Variants in LRP12 observed in about 807,000 individuals in gnomAD.
LRP12 encodes the protein low-density lipoprotein receptor-related protein 12.
Under a neutral mutation model 66.0 loss-of-function variants are expected in LRP12, and 14 were observed. That is an observed-to-expected ratio of 0.21 (90% CI 0.14 to 0.33). LRP12 has a LOEUF of 0.33. LRP12 is among the 10% of genes least tolerant of loss of function. LRP12 has a pLI of 1.00. For synonymous variants in LRP12, 357 were observed against 359.1 expected, an observed-to-expected ratio of 0.99 and a Z score of 0.07; for missense variants, 889 against 1,053.4, an observed-to-expected ratio of 0.84 and a Z score of 2.16.
chr8:104,507,036 C>T (rs1021188990), intron 3 of LRP12: 1 of 151,910 alleles, frequency 6.6e-6, no homozygotes, highest in Non-Finnish European at 1.5e-5. Context: ...TTTCTTTTGA[C>T]TTGTTTACAT....
chr8:104,542,786 T>C (rs1414245094), intron 1 of LRP12, among the ~76,000 whole-genome samples: 1 of 152,068 alleles, frequency 6.6e-6, no homozygotes, highest in Non-Finnish European at 1.5e-5. Flanking sequence ...GAAAAGAACA[T>C]GTCATTAAGA....
intron 1 of LRP12, chr8:104,566,210 C>A: frequency 1.5e-6 from 1 of 667,942 alleles, no homozygotes; most frequent in Non-Finnish European, 2.3e-6. Context: ...GAAAATGCAG[C>A]ACATAGAAAG....
intron 1 of LRP12, among the ~76,000 whole-genome samples, chr8:104,560,115 A>C (rs191048156): frequency 6.6e-6 from 1 of 151,992 alleles, no homozygotes; most frequent in East Asian, 1.9e-4. Flanking sequence ...CAAAATATTT[A>C]TGGGTCTCAT....
intron 1 of LRP12, among the ~76,000 whole-genome samples, chr8:104,541,767 C>T (rs1811481585): frequency 6.6e-6 from 1 of 152,124 alleles, no homozygotes; most frequent in Non-Finnish European, 1.5e-5. Context: ...AATATGTGGT[C>T]TTTTGTGTCT....
In LRP12 at chr8:104,565,729, T is replaced by C. The variant is rs376200877; in HGVS notation, c.79+23090A>G. Among the ~76,000 whole-genome samples, 23 of 151,056 alleles carry C rather than the reference T, an allele frequency of 1.5e-4. No homozygotes were observed. In the South Asian group the frequency reaches 1.7e-3, roughly 11 times the overall value. ...CAAAAAAATTAGCCAGGTGTGGTGG[T>C]GGGCGCCTGTAGTCCCAGCTACTCG... On this transcript the variant is annotated intron_variant, in intron 1 of 6. Coordinates refer to ENST00000276654, the MANE Select transcript of LRP12 (RefSeq NM_013437.5).
intron 1 of LRP12, among the ~76,000 whole-genome samples, chr8:104,548,656 T>TCTTATATAATTAAATTA (rs1811677659): frequency 7.5e-6 from 1 of 132,826 alleles, no homozygotes. Flanking sequence ...ATTATATAAT[T>TCTTATATAATTAAATTA]ATTATATAAT....
At chr8:104,575,317 G>C (rs1170211796) in intron 1 of LRP12, among the ~76,000 whole-genome samples, 1 of 152,218 alleles carries the variant, frequency 6.6e-6, no homozygotes, top group East Asian at 1.9e-4. Context: ...CTGACCAGCT[G>C]CATTGCCTCC....
intron 1 of LRP12, among the ~76,000 whole-genome samples, chr8:104,569,272 A>C (rs1812045492): frequency 6.6e-6 from 1 of 152,196 alleles, no homozygotes; most frequent in Non-Finnish European, 1.5e-5. Context: ...GAGAGTAGGA[A>C]GAATGGGTAG....
chr8:104,493,867 C>G (rs766814234), intron 6 of LRP12, among the ~76,000 whole-genome samples: 1 of 152,150 alleles, frequency 6.6e-6, no homozygotes, highest in Non-Finnish European at 1.5e-5. Context: ...TGTTTGGTAC[C>G]CTTCTGAACT....
chr8:104,552,003 G>A (rs1195370565), intron 1 of LRP12, among the ~76,000 whole-genome samples: 1 of 152,202 alleles, frequency 6.6e-6, no homozygotes, highest in Non-Finnish European at 1.5e-5. Flanking sequence ...CTGTAAGTAA[G>A]AGGAGAGAAG....
At chr8:104,565,958 G>C (rs1339813163) in intron 1 of LRP12, 2 of 152,090 alleles carry the variant, frequency 1.3e-5, no homozygotes, top group Non-Finnish European at 2.7e-5. Flanking sequence ...GGGGCAGGGA[G>C]AGAGAGGGAG....
At chr8:104,560,538 G>A (rs1469240395) in intron 1 of LRP12, among the ~76,000 whole-genome samples, 1 of 152,162 alleles carries the variant, frequency 6.6e-6, no homozygotes, top group East Asian at 1.9e-4. Flanking sequence ...ACAGTATAAA[G>A]TATATGAGCC....
chr8:104,569,645 T>C (rs915992175), intron 1 of LRP12, among the ~76,000 whole-genome samples: 2 of 151,962 alleles, frequency 1.3e-5, no homozygotes, highest in Non-Finnish European at 2.9e-5. Flanking sequence ...CTTAGCAAAC[T>C]AGGAATACAA....
At chr8:104,500,738 A>G (rs935034258) in intron 3 of LRP12, among the ~76,000 whole-genome samples, 1 of 152,154 alleles carries the variant, frequency 6.6e-6, no homozygotes, top group African/African-American at 2.4e-5. Context: ...AAACAAAACA[A>G]AACCCTTATA....
intron 1 of LRP12, among the ~76,000 whole-genome samples, chr8:104,548,108 A>C (rs1401411246): frequency 8.8e-6 from 1 of 114,138 alleles, no homozygotes; most frequent in Non-Finnish European, 1.6e-5. Flanking sequence ...TAATTCTGTT[A>C]TATTATATTT....
chr8:104,572,737 T>C (rs534178495), intron 1 of LRP12, among the ~76,000 whole-genome samples: 2 of 152,242 alleles, frequency 1.3e-5, no homozygotes, highest in South Asian at 2.1e-4. Flanking sequence ...TATAACTTAA[T>C]ATAAATTAGC....
At chr8:104,491,910 T>C (rs1291609437) in intron 6 of LRP12, among the ~76,000 whole-genome samples, 1 of 151,358 alleles carries the variant, frequency 6.6e-6, no homozygotes, top group East Asian at 1.9e-4. Flanking sequence ...ACTAGGAACA[T>C]AGGAGAATCT....
At chr8:104,567,720 G>A (rs1244643685) in intron 1 of LRP12, among the ~76,000 whole-genome samples, 2 of 152,042 alleles carry the variant, frequency 1.3e-5, no homozygotes, top group South Asian at 4.1e-4. Context: ...ACTTACAATA[G>A]CATGAAAAGG....
intron 1 of LRP12, among the ~76,000 whole-genome samples, chr8:104,553,485 T>C (rs1016798604): frequency 6.6e-6 from 1 of 152,150 alleles, no homozygotes; most frequent in Non-Finnish European, 1.5e-5. Flanking sequence ...CCCACTTCCC[T>C]GGCGACCTGT....
Sources: gnomAD v4.1 joint callset for allele counts (sites outside exome capture counted in the v4.1 genomes callset) on GRCh38, gnomAD v4.1.1 for gene constraint, MANE v1.5 for transcripts, NCBI Gene and HGNC (gene_info 2026-07-23, HGNC 2026-07-21) for gene names.